The following FBN2 variants were observed in gnomAD, a reference collection of about 807,000 sequenced individuals.
FBN2 encodes the protein fibrillin-2.
FBN2 carries 105 observed loss-of-function variants against 355.6 expected under a neutral mutation model. That is an observed-to-expected ratio of 0.30 (90% confidence interval 0.25 to 0.35). The LOEUF is 0.35. FBN2 is among the 10% of genes least tolerant of loss of function. FBN2 has a pLI of 1.00. For synonymous variants in FBN2, 1,350 were observed against 1,301.2 expected, an observed-to-expected ratio of 1.04 and a Z score of -0.81; for missense variants, 3,280 against 3,758.7, an observed-to-expected ratio of 0.87 and a Z score of 3.33.
At chr5:128,534,320 C>T (rs929366480) in intron 2 of FBN2, among the ~76,000 whole-genome samples, 1 of 152,144 alleles carries the variant, frequency 6.6e-6, no homozygotes, top group African/African-American at 2.4e-5. Flanking sequence ...ATAACGGTTT[C>T]ATTTCACTTA....
chr5:128,302,678 AAT>A (rs1314567566), intron 46 of FBN2, among the ~76,000 whole-genome samples: 1 of 152,174 alleles, frequency 6.6e-6, no homozygotes, highest in Non-Finnish European at 1.5e-5. Context: ...AGGAAATACA[AAT>A]ACCCTAAACC....
At chr5:128,297,665 CT>C (rs1195181115) in intron 48 of FBN2, among the ~76,000 whole-genome samples, 1 of 151,982 alleles carries the variant, frequency 6.6e-6, no homozygotes, top group African/African-American at 2.4e-5. Context: ...CAACCCCTGC[CT>C]TTTTTTGTTT....
Position 128,335,997 on chromosome 5 carries a change from C to T in FBN2, c.3715G>A (p.Gly1239Ser), listed in dbSNP as rs778784375. 6.2e-7 allele frequency: 1 copy of T among 1,614,078 alleles called. No homozygotes were observed. The highest frequency in any genetic ancestry group is 1.6e-4 in the Middle Eastern group (1 of 6,062). The change falls in exon 28 of 65, where the codon GGC (glycine) becomes AGC (serine). Residue 1239 changes from glycine (G) to serine (S), a missense_variant. Physicochemically the swap from Gly to Ser is moderately conservative, Grantham distance 56 (BLOSUM62 0). Coordinates refer to ENST00000262464, the MANE Select transcript of FBN2 (RefSeq NM_001999.4). ...CTTGGTCTCCCCTTACCTGTACAGC[C>T]CTGGCGGTCTGGCGTAGCCTGATAT... ...PGYQATPDRQ[G>S]CTDIDECMIM...
chr5:128,379,025 T>C, intron 11 of FBN2, 135 bp from the exon 12 acceptor site: 1 of 973,460 alleles, frequency 1.0e-6, no homozygotes, highest in Non-Finnish European at 1.6e-6. Context: ...TATTTATAAA[T>C]GAATGAAAAT....
chr5:128,315,905 G>T (rs1750188314), intron 36 of FBN2, among the ~76,000 whole-genome samples: 1 of 152,216 alleles, frequency 6.6e-6, no homozygotes, highest in South Asian at 2.1e-4. Context: ...CTAGGATATT[G>T]GTCTCTGAAG....
intron 58 of FBN2, among the ~76,000 whole-genome samples, chr5:128,277,134 T>C (rs887147168): frequency 1.3e-5 from 2 of 152,204 alleles, no homozygotes; most frequent in Admixed American, 6.5e-5. Flanking sequence ...CCAAGTGTGC[T>C]TGTTATTGAC....
chr5:128,485,710 A>G (rs1288720398), intron 5 of FBN2, among the ~76,000 whole-genome samples: 1 of 152,168 alleles, frequency 6.6e-6, no homozygotes, highest in Non-Finnish European at 1.5e-5. Context: ...GAAAAGGAGG[A>G]ATTGAAAAGA....
rs331098 is a variant in FBN2 at position 128,369,558 on chromosome 5, T to C, written c.2096-224A>G. Among the ~76,000 whole-genome samples, 52,282 of 152,180 alleles carry C rather than the reference T, an allele frequency of 0.34. 10,407 individuals carry two copies. Among genetic ancestry groups the C allele is most frequent in the Admixed American group, 0.46 (6,961 of 15,282 alleles). On this transcript the variant is annotated intron_variant, in intron 15 of 64. Transcript: ENST00000262464. ...ATATCACCGACTCTGTTTTCTTTAA[T>C]AAGTTTTATGAGCTACACAGTATCC...
intron 23 of FBN2, among the ~76,000 whole-genome samples, chr5:128,346,999 C>T (rs1204999364): frequency 6.6e-6 from 1 of 152,140 alleles, no homozygotes; most frequent in Non-Finnish European, 1.5e-5. Flanking sequence ...AGTAATCCAG[C>T]GTCTCATTAT....
chr5:128,329,679 G>C (rs1750641448), intron 33 of FBN2, among the ~76,000 whole-genome samples: 1 of 152,172 alleles, frequency 6.6e-6, no homozygotes, highest in African/African-American at 2.4e-5. Flanking sequence ...AAGGCTACAA[G>C]TTATGAAGCT....
chr5:128,533,078 G>C (rs1031613585), intron 2 of FBN2, among the ~76,000 whole-genome samples: 13 of 152,284 alleles, frequency 8.5e-5, no homozygotes, highest in Admixed American at 7.8e-4. Context: ...GTCAAATACT[G>C]TGATGTTAAG....
chr5:128,534,422 G>T (rs1029520910), intron 2 of FBN2, among the ~76,000 whole-genome samples: 1 of 152,172 alleles, frequency 6.6e-6, no homozygotes, highest in South Asian at 2.1e-4. Context: ...TCATGCAATA[G>T]AATATAAAGG....
intron 20 of FBN2, among the ~76,000 whole-genome samples, chr5:128,352,614 T>A (rs915965435): frequency 6.6e-6 from 1 of 152,232 alleles, no homozygotes; most frequent in African/African-American, 2.4e-5. Flanking sequence ...TGTCATGTTT[T>A]CCTTGTAGAG....
At chr5:128,263,685 A>T in intron 62 of FBN2, 29 bp from the exon 63 acceptor site, 1 of 1,569,954 alleles carries the variant, frequency 6.4e-7, no homozygotes, top group Non-Finnish European at 8.7e-7. Context: ...AAACTCTTAC[A>T]CGGGGAAGCA....
In FBN2 at chr5:128,537,497, T is replaced by C. The variant is rs1431387329; in HGVS notation, c.107A>G (p.Lys36Arg). 1.9e-6 allele frequency: 3 copies of C among 1,584,968 alleles called. No individual in the cohort carries two copies. Among genetic ancestry groups the C allele is most frequent in the Non-Finnish European group, 2.6e-6 (3 of 1,168,426 alleles). ...CGGCGGCGGCTGGGGCCGGGGCGGC[T>C]TGGGCGGAGGAGGCTGAGGCTGGCC... Reference protein sequence around the residue: ...TAGQPQPPPPKPPRPQPPPQQ... With the variant: ...TAGQPQPPPPRPPRPQPPPQQ... Residue 36 changes from lysine to arginine, a missense_variant, in exon 1 of 65, where the codon AAG (lysine) becomes AGG (arginine). Around this residue, in one of 6 missense-constraint regions of FBN2, gnomAD observed 203 missense variants for 142.2 expected, o/e 1.43. Transcript: ENST00000262464.
chr5:128,361,348 A>G (rs1751633295), intron 19 of FBN2, among the ~76,000 whole-genome samples: 1 of 152,216 alleles, frequency 6.6e-6, no homozygotes, highest in Admixed American at 6.5e-5. Flanking sequence ...TAACTTTTCC[A>G]TTACGATTCA....
At position 128,446,340 on chromosome 5, in the gene FBN2, T is replaced by G. The variant is rs7356632; in HGVS notation, c.952+141A>C. On this transcript the variant is annotated intron_variant, in intron 7 of 64. Coordinates refer to ENST00000262464, the MANE Select transcript of FBN2 (RefSeq NM_001999.4). ...AGGCTACAATACACAAACACAGAAC[T>G]ACTCTAGGCTTAAACCTATGCTTTC... The G allele has an allele frequency of 0.079, 67,498 of 851,488 alleles. 3,224 individuals carry two copies. Among genetic ancestry groups the G allele is most frequent in the Non-Finnish European group, 0.093 (49,140 of 528,418 alleles). 52.7% of individuals were successfully genotyped at this position (851,488 alleles called of 1,614,324 possible). A position where few individuals can be genotyped will look rare whatever the true frequency, so the allele number is the denominator to read the frequency against.
chr5:128,344,644 G>T, intron 24 of FBN2, 134 bp from the exon 25 acceptor site: 1 of 767,982 alleles, frequency 1.3e-6, no homozygotes, highest in Non-Finnish European at 2.3e-6. Context: ...AAATGTTTCA[G>T]TGATCACACT....
intron 5 of FBN2, among the ~76,000 whole-genome samples, chr5:128,485,778 G>C (rs1210717580): frequency 6.6e-6 from 1 of 152,158 alleles, no homozygotes; most frequent in Admixed American, 6.5e-5. Flanking sequence ...AGGAAGGGAG[G>C]AAGGGCAAGA....
Sources: gnomAD v4.1 joint callset for allele counts (sites outside exome capture counted in the v4.1 genomes callset) on GRCh38, gnomAD v4.1.1 for gene constraint, gnomAD v4.1.1 regional missense constraint, MANE v1.5 for transcripts, NCBI Gene and HGNC (gene_info 2026-07-23, HGNC 2026-07-21) for gene names.